PTPRN2: variants seen among roughly 807,000 people sequenced by gnomAD.
The protein encoded by PTPRN2 is protein tyrosine phosphatase receptor type N2.
PTPRN2 carries 74 observed loss-of-function variants against 118.8 expected under a neutral mutation model. The ratio of observed to expected loss-of-function variants is 0.62; its 90% CI spans 0.52 to 0.76. The LOEUF (loss-of-function observed/expected upper bound fraction) is 0.76. Among genes scored for constraint, PTPRN2 ranks in the 30% least tolerant of loss-of-function variants. PTPRN2 has a pLI of 0.00. For synonymous variants in PTPRN2, 641 were observed against 608.0 expected, an observed-to-expected ratio of 1.05 and a Z score of -0.80; for missense variants, 1,481 against 1,394.4, an observed-to-expected ratio of 1.06 and a Z score of -0.99.
chr7:157,893,132 C>T lies in PTPRN2; in HGVS notation c.1788+5541G>A, dbSNP rs1331081763. 6.6e-6 allele frequency among the ~76,000 whole-genome samples: 1 copy of T among 152,232 alleles called. No homozygotes were observed. The highest frequency in any genetic ancestry group is 1.5e-5 in the Non-Finnish European group (1 of 68,046). On this transcript the variant is annotated intron_variant, in intron 12 of 22. Coordinates refer to ENST00000389418, the MANE Select transcript of PTPRN2 (RefSeq NM_002847.5). This position sits in a 1 kb window ranked among gnomAD's most constrained non-coding sequence, Gnocchi z 4.0. ...GAACAAAGAAATGTCTGGAGAAGGC[C>T]AGGAAGACAGGCAGGTCAGGGTGAA...
At chr7:158,136,523 G>T in intron 8 of PTPRN2, 132 bp downstream of exon 8, 2 of 739,096 alleles carry the variant, frequency 2.7e-6, no homozygotes, top group South Asian at 1.8e-5. Context: ...TCAATTTGGA[G>T]ATTATGAGGG....
chr7:157,673,886 G>A (rs1252713338), intron 13 of PTPRN2, among the ~76,000 whole-genome samples: 1 of 152,130 alleles, frequency 6.6e-6, no homozygotes, highest in Non-Finnish European at 1.5e-5. Context: ...TCACACTGGG[G>A]AGTCCTTCAC....
At chr7:157,797,769 A>G (rs1804963436) in intron 12 of PTPRN2, among the ~76,000 whole-genome samples, 1 of 152,064 alleles carries the variant, frequency 6.6e-6, no homozygotes, top group African/African-American at 2.4e-5. Flanking sequence ...TGTCAGTTAC[A>G]TTTTCCTATG....
At chr7:158,176,429 G>T (rs904890561) in intron 5 of PTPRN2, among the ~76,000 whole-genome samples, 1 of 152,218 alleles carries the variant, frequency 6.6e-6, no homozygotes, top group African/African-American at 2.4e-5. Flanking sequence ...CTGCAGTGAG[G>T]AAAGGGCAGA....
At chr7:158,552,339 C>T (rs896175549) in intron 1 of PTPRN2, among the ~76,000 whole-genome samples, 1 of 151,994 alleles carries the variant, frequency 6.6e-6, no homozygotes, top group Non-Finnish European at 1.5e-5. Context: ...CCAGTACATG[C>T]ATTTGGGGGG....
Position 158,110,818 on chromosome 7 carries a change from C to T in PTPRN2, c.1643+11G>A, listed in dbSNP as rs1258958875. ...AGGAGCCAAACAGAAACCCCAGGGC[C>T]CCGTACTTACTCCACGTCAGCGAAC... On this transcript the variant is annotated intron_variant, in intron 10 of 22. Transcript: ENST00000389418. 4 of 1,574,386 alleles carry T rather than the reference C, an allele frequency of 2.5e-6. No homozygotes were observed. The highest frequency in any genetic ancestry group is 2.3e-5 in the East Asian group (1 of 43,064).
At chr7:157,595,196 T>G in intron 17 of PTPRN2, 42 bp downstream of exon 17, 1 of 1,583,466 alleles carries the variant, frequency 6.3e-7, no homozygotes, top group Admixed American at 1.7e-5. Context: ...GTTATTGAGA[T>G]CTTCTTTTCA....
At chr7:158,118,394 C>T (rs1316296269) in intron 9 of PTPRN2, among the ~76,000 whole-genome samples, 1 of 152,002 alleles carries the variant, frequency 6.6e-6, no homozygotes, top group Non-Finnish European at 1.5e-5. Context: ...AAAATAGCTA[C>T]ATAATACGTA....
intron 14 of PTPRN2, among the ~76,000 whole-genome samples, chr7:157,634,578 G>T (rs1483107398): frequency 6.6e-6 from 1 of 152,164 alleles, no homozygotes; most frequent in Non-Finnish European, 1.5e-5. Flanking sequence ...GTGCACACAG[G>T]GCTGCGTTGT....
At chr7:158,137,002 C>T (rs565612083) in intron 7 of PTPRN2, among the ~76,000 whole-genome samples, 80 of 152,164 alleles carry the variant, frequency 5.3e-4, no homozygotes, top group African/African-American at 1.9e-3. Context: ...AAAACCCCAT[C>T]GTACCGAGCA....
intron 12 of PTPRN2, among the ~76,000 whole-genome samples, chr7:157,706,533 C>T (rs1001560405): frequency 1.8e-4 from 27 of 151,494 alleles, no homozygotes; most frequent in African/African-American, 5.1e-4. Context: ...GGGAACTGAG[C>T]GAATCTGACC....
intron 19 of PTPRN2, among the ~76,000 whole-genome samples, chr7:157,572,008 G>A (rs1394872243): frequency 6.6e-6 from 1 of 152,144 alleles, no homozygotes; most frequent in Non-Finnish European, 1.5e-5. Context: ...TCTAAATTAC[G>A]GAGAAACCTC....
chr7:157,995,791 T>C (rs1351796543), intron 11 of PTPRN2, among the ~76,000 whole-genome samples: 2 of 152,250 alleles, frequency 1.3e-5, no homozygotes, highest in Non-Finnish European at 1.5e-5. Flanking sequence ...AAATCTGACT[T>C]CTACGGCAAA....
intron 11 of PTPRN2, among the ~76,000 whole-genome samples, chr7:157,910,455 C>T (rs1300309025): frequency 5.0e-5 from 7 of 141,376 alleles, no homozygotes; most frequent in East Asian, 2.2e-4. Context: ...GCACGTACGC[C>T]GGATCACGCA....
At chr7:158,532,673 A>G (rs899450966) in intron 1 of PTPRN2, 11 of 531,104 alleles carry the variant, frequency 2.1e-5, no homozygotes, top group Admixed American at 3.9e-5. Context: ...GAGGAACAGC[A>G]TGGAACATGG....
chr7:158,412,385 A>T (rs1362801997), intron 2 of PTPRN2, among the ~76,000 whole-genome samples: 2 of 58,440 alleles, frequency 3.4e-5, no homozygotes, highest in East Asian at 5.2e-4. Context: ...CCTCCTCAAC[A>T]CCAGGGCCCA....
intron 12 of PTPRN2, among the ~76,000 whole-genome samples, chr7:157,817,295 G>A (rs1287992041): frequency 2.6e-5 from 4 of 152,180 alleles, no homozygotes; most frequent in South Asian, 2.1e-4. Flanking sequence ...TGTCTTATTC[G>A]GAGAAGACGT....
rs1563555744 is a variant in PTPRN2 at position 158,171,314 on chromosome 7, T to TATATACACACATAC, written c.550-4024_550-4023insGTATGTGTGTATAT. 2.0e-5 allele frequency among the ~76,000 whole-genome samples: 2 copies of TATATACACACATAC among 98,316 alleles called. 1 individual carries two copies. Among genetic ancestry groups the TATATACACACATAC allele is most frequent in the African/African-American group, 9.1e-5 (2 of 21,902 alleles). 64.5% of individuals were successfully genotyped at this position (98,316 alleles called of 152,430 possible). A position where few individuals can be genotyped will look rare whatever the true frequency, so the allele number is the denominator to read the frequency against. ...ACACACATATATATACACACATATATATATATATATATATATATATATATA... is the reference window on the plus strand; with the variant it reads ...ACACACATATATATACACACATATATATATACACACATACATATATATATATATATATATATATA... On this transcript the variant is annotated intron_variant, in intron 5 of 22. Transcript: ENST00000389418.
At chr7:157,663,513 C>T (rs1448078297) in intron 13 of PTPRN2, among the ~76,000 whole-genome samples, 12 of 152,232 alleles carry the variant, frequency 7.9e-5, no homozygotes, top group Admixed American at 5.2e-4. Context: ...CCTCCAAGGA[C>T]GGGGGCTGGG....
Sources: gnomAD v4.1 joint callset for allele counts (sites outside exome capture counted in the v4.1 genomes callset) on GRCh38, gnomAD v4.1.1 for gene constraint, Gnocchi (gnomAD v3.1) non-coding constraint, MANE v1.5 for transcripts, NCBI Gene and HGNC (gene_info 2026-07-23, HGNC 2026-07-21) for gene names.